Variants in CKMT1A observed in about 807,000 individuals in gnomAD.
The protein encoded by CKMT1A is creatine kinase, mitochondrial 1A, also known as creatine kinase U-type, mitochondrial.
A neutral mutation model predicts 21.8 loss-of-function variants in CKMT1A; 23 were observed. The observed-to-expected ratio is 1.05, with a 90% CI of 0.76 to 1.49. CKMT1A has a LOEUF of 1.49. Ranked by LOEUF, CKMT1A falls within the 40% of genes most tolerant of loss-of-function variation. The pLI is 0.00. For missense variants in CKMT1A, 154 were observed against 229.4 expected (o/e 0.67, Z 2.12); for synonymous variants, 67 against 80.4 (o/e 0.83, Z 0.89).
chr15:43,696,385 GA>G (rs1253051166), intron 6 of CKMT1A, 22 bp downstream of exon 6: 1 of 1,610,912 alleles, frequency 6.2e-7, no homozygotes, highest in East Asian at 2.2e-5. Context: ...TTGTGTAGGG[GA>G]GCTAGGTGGG....
rs1489984407 is a variant in CKMT1A at position 43,698,713 on chromosome 15, G to T, written c.1084G>T (p.Ala362Ser). ...TGGTACTGGAGGAGTGGACACTGCT[G>T]CCACAGGCGGTGTCTTTGATATTTC... ...KRGTGGVDTAATGGVFDISNL... is the reference protein window; with the variant it reads ...KRGTGGVDTASTGGVFDISNL... The change falls in exon 8 of 9, where the codon GCC becomes TCC. Residue 362 changes from alanine to serine, a missense_variant. By Grantham distance (99) the Ala-to-Ser change is moderately conservative. Transcript: ENST00000413453. 6.2e-7 allele frequency: 1 copy of T among 1,613,660 alleles called. No homozygotes were observed. The highest frequency in any genetic ancestry group is 8.5e-7 in the Non-Finnish European group (1 of 1,179,864).
intron 6 of CKMT1A, chr15:43,697,244 G>T (rs1220289516): frequency 8.2e-7 from 1 of 1,219,010 alleles, no homozygotes; most frequent in Admixed American, 3.5e-5. Context: ...TTGGTCCACA[G>T]TAAGTGCTTA....
chr15:43,696,172 CTT>C, intron 5 of CKMT1A, 48 bp downstream of exon 5: 1 of 1,315,888 alleles, frequency 7.6e-7, no homozygotes, highest in Non-Finnish European at 1.0e-6. Flanking sequence ...CTCATAAATG[CTT>C]TTTTTCCCTC....
intron 4 of CKMT1A, 32 bp from the exon 5 acceptor site, chr15:43,696,007 A>C: frequency 4.6e-6 from 2 of 430,278 alleles, no homozygotes; most frequent in South Asian, 4.5e-5. Context: ...CACCATGAAG[A>C]TTCTTAACCC....
rs576825012 is a variant in CKMT1A at position 43,699,010 on chromosome 15, A to G, written c.1175A>G (p.Tyr392Cys). 3 of 1,613,456 alleles carry G rather than the reference A, an allele frequency of 1.9e-6. No individual in the cohort carries two copies. The highest frequency in any genetic ancestry group is 2.2e-5 in the South Asian group (2 of 91,040). Residue 392 changes from tyrosine to cysteine, a missense_variant, in exon 9 of 9, where the codon TAT becomes TGT. Coordinates refer to ENST00000413453, the MANE Select transcript of CKMT1A (RefSeq NM_001321926.2). ...LVQLVIDGVN[Y>C]LIDCERRLER... Reference sequence around the variant, plus strand: ...CAACTGGTCATCGATGGAGTAAACTATTTGATTGATTGTGAACGGCGTCTG... The same window carrying G: ...CAACTGGTCATCGATGGAGTAAACTGTTTGATTGATTGTGAACGGCGTCTG...
chr15:43,698,622 A>G lies in CKMT1A; in HGVS notation c.1012-19A>G. On this transcript the variant is annotated intron_variant, in intron 7 of 8. Coordinates refer to ENST00000413453, the MANE Select transcript of CKMT1A (RefSeq NM_001321926.2). ...TCTGCCTCTATTGACCCTGCTCCCA[A>G]TCCCTATCTCCTCTCTAGGATAGCC... 2 of 1,609,568 alleles carry G rather than the reference A, an allele frequency of 1.2e-6. No individual in the cohort carries two copies. Among genetic ancestry groups the G allele is most frequent in the Non-Finnish European group, 1.7e-6 (2 of 1,177,606 alleles).
In CKMT1A at chr15:43,698,675, G is replaced by C. The variant is rs2086490602; in HGVS notation, c.1046G>C (p.Arg349Thr). 6.2e-7 allele frequency: 1 copy of C among 1,613,468 alleles called. No individual in the cohort carries two copies. Among genetic ancestry groups the C allele is most frequent in the African/African-American group, 1.3e-5 (1 of 74,820 alleles). Residue 349 changes from arginine to threonine, a missense_variant, in exon 8 of 9, where the codon AGA becomes ACA. Arg to Thr is a moderately conservative substitution (Grantham distance 71). Coordinates refer to ENST00000413453, the MANE Select transcript of CKMT1A (RefSeq NM_001321926.2). ...SRFPKILENL[R>T]LQKRGTGGVD... ...TTCCCAAAGATCCTGGAGAACCTAA[G>C]ACTCCAAAAGCGTGGTACTGGAGGA... is the stretch of plus-strand genomic sequence containing the variant.
At position 43,697,853 on chromosome 15, in the gene CKMT1A, TAACA is replaced by T. The variant is rs1359812957; in HGVS notation, c.877-157_877-154del. 5.1e-6 allele frequency: 5 copies of T among 982,118 alleles called. No individual in the cohort carries two copies. The African/African-American group carries it at 8.8e-5, about 17-fold the overall frequency. The allele number at this position is 982,118 out of a possible 1,614,324, so 60.8% of individuals were successfully genotyped here. ...TTGCATCATGCATGCATGAAAACAA[TAACA>T]AACCTTTTTCATTTAAAAAAAGACC... On this transcript the variant is annotated intron_variant, in intron 6 of 8. Coordinates refer to ENST00000413453, the MANE Select transcript of CKMT1A (RefSeq NM_001321926.2).
At chr15:43,696,398 G>C (rs2086445770) in intron 6 of CKMT1A, 35 bp downstream of exon 6, 1 of 1,610,440 alleles carries the variant, frequency 6.2e-7, no homozygotes, top group Admixed American at 1.7e-5. Flanking sequence ...CTAGGTGGGA[G>C]GACATAAGGA....
intron 6 of CKMT1A, chr15:43,696,740 A>C (rs1263833680): frequency 2.8e-5 from 7 of 252,698 alleles, no homozygotes; most frequent in Non-Finnish European, 5.4e-5. Context: ...TGTGTTCATG[A>C]CTCTAATATA....
In CKMT1A at chr15:43,696,354, C is replaced by A. The variant is rs764863367; in HGVS notation, c.867C>A (p.Gly289=). 8.1e-6 allele frequency: 13 copies of A among 1,610,612 alleles called. No individual in the cohort carries two copies. The highest frequency in any genetic ancestry group is 1.1e-5 in the Non-Finnish European group (13 of 1,179,040). ...MKRVFERFCR[G]LKEVERLIQE... is the part of the protein sequence containing the mutation. ...GAGTGTTTGAAAGATTCTGCCGAGG[C>A]CTCAAAGAGGTTAGAGAAGATTGTG... is the stretch of plus-strand genomic sequence containing the variant. The change falls in exon 6 of 9, where the codon GGC becomes GGA. Residue 289 remains glycine, a synonymous_variant. Transcript: ENST00000413453.
rs756701247 is a variant in CKMT1A, at chr15:43,699,026, A to G, written c.1191A>G (p.Glu397=). The change falls in exon 9 of 9, where the codon GAA becomes GAG. Residue 397 remains glutamate, a synonymous_variant. Coordinates refer to ENST00000413453, the MANE Select transcript of CKMT1A (RefSeq NM_001321926.2). ...GAGTAAACTATTTGATTGATTGTGA[A>G]CGGCGTCTGGAGAGAGGCCAGGATA... ...IDGVNYLIDC[E]RRLERGQDIR... is the part of the protein sequence containing the mutation. 3.1e-6 allele frequency: 5 copies of G among 1,613,384 alleles called. No individual in the cohort carries two copies. The highest frequency in any genetic ancestry group is 1.7e-5 in the Admixed American group (1 of 59,966).
chr15:43,698,606 A>G, intron 7 of CKMT1A, 35 bp from the exon 8 acceptor site: 3 of 1,602,844 alleles, frequency 1.9e-6, no homozygotes, highest in Non-Finnish European at 1.7e-6. Context: ...CTCTGCCTCT[A>G]TTGACCCTGC....
intron 6 of CKMT1A, chr15:43,697,341 G>C (rs1290066806): frequency 1.6e-6 from 2 of 1,252,384 alleles, no homozygotes; most frequent in Non-Finnish European, 2.1e-6. Flanking sequence ...CTGGTGGCAT[G>C]GTTCCTTCTG....
rs1009117140 is a variant in CKMT1A, at chr15:43,698,884, A to C, written c.1138-89A>C. 3 of 1,597,816 alleles carry C rather than the reference A, an allele frequency of 1.9e-6. No homozygotes were observed. In the African/African-American group the frequency reaches 4.0e-5, roughly 21 times the overall value. ...GAAATGAAATTCAGGTTGAGTGGGG[A>C]GGCAATTGGAAATGAGCAGGCAAGT... On this transcript the variant is annotated intron_variant, in intron 8 of 8. Coordinates refer to ENST00000413453, the MANE Select transcript of CKMT1A (RefSeq NM_001321926.2).
At position 43,696,233 on chromosome 15, in the gene CKMT1A, C is replaced by T. The variant is rs759265636; in HGVS notation, c.753-7C>T. The T allele has an allele frequency of 3.2e-6, 5 of 1,568,812 alleles. No individual in the cohort carries two copies. Among genetic ancestry groups the T allele is most frequent in the Middle Eastern group, 3.4e-4 (2 of 5,932 alleles). On this transcript the variant is annotated splice_region_variant and splice_polypyrimidine_tract_variant and intron_variant, in intron 5 of 8. Transcript: ENST00000413453. ...CCTCTTGATCACTGTCCCTCTCCGG[C>T]CCTCAGGCACAACAATGAGAAGAGC...
intron 6 of CKMT1A, 66 bp downstream of exon 6, chr15:43,696,429 T>G: frequency 6.2e-7 from 1 of 1,606,432 alleles, no homozygotes. Flanking sequence ...GTAGCATAAA[T>G]AGATTATGTA....
intron 7 of CKMT1A, 40 bp from the exon 8 acceptor site, chr15:43,698,601 C>T (rs2086488950): frequency 1.9e-6 from 3 of 1,594,994 alleles, no homozygotes; most frequent in South Asian, 1.1e-5. Context: ...CTAGTCTCTG[C>T]CTCTATTGAC....
Position 43,696,364 on chromosome 15 carries a change from G to A in CKMT1A, c.876+1G>A. Reference sequence around the variant, plus strand: ...AAGATTCTGCCGAGGCCTCAAAGAGGTTAGAGAAGATTGTGTAGGGGAGCT... The same window carrying A: ...AAGATTCTGCCGAGGCCTCAAAGAGATTAGAGAAGATTGTGTAGGGGAGCT... On this transcript the variant is annotated splice_donor_variant, in intron 6 of 8. Transcript: ENST00000413453. LOFTEE classifies it high-confidence loss of function. 4 of 1,610,990 alleles carry A rather than the reference G, an allele frequency of 2.5e-6. No homozygotes were observed. Among genetic ancestry groups the A allele is most frequent in the Non-Finnish European group, 3.4e-6 (4 of 1,179,132 alleles).
Sources: allele counts gnomAD v4.1 joint callset, GRCh38; gene constraint gnomAD v4.1.1; transcripts MANE v1.5; gene names NCBI Gene and HGNC (gene_info 2026-07-23, HGNC 2026-07-21).